PTPN9: variants seen among roughly 807,000 people sequenced by gnomAD.
The protein encoded by PTPN9 is tyrosine-protein phosphatase non-receptor type 9.
PTPN9 carries 26 observed loss-of-function variants against 69.8 expected under a neutral mutation model. That is an observed-to-expected ratio of 0.37 (90% CI 0.27 to 0.52). The LOEUF (loss-of-function observed/expected upper bound fraction) is 0.52, where lower values mean the gene tolerates loss of function less well. Among genes scored for constraint, PTPN9 ranks in the 20% least tolerant of loss-of-function variants. PTPN9 has a pLI of 0.91. For missense variants in PTPN9, 549 were observed against 740.3 expected (o/e 0.74, Z 3.00); for synonymous variants, 274 against 272.5 (o/e 1.01, Z -0.05).
chr15:75,481,831 G>C (rs184508788), intron 8 of PTPN9, among the ~76,000 whole-genome samples: 6 of 120,994 alleles, frequency 5.0e-5, no homozygotes, highest in South Asian at 3.1e-4. Flanking sequence ...GGAGGGAGGT[G>C]GGGGGGGGTC....
In PTPN9 at chr15:75,524,233, G is replaced by A. The variant is rs147821578; in HGVS notation, c.273C>T (p.Ile91=). Reference sequence around the variant, plus strand: ...CTAAGATGGTGAATTTTCCACTGAGGATCTCAGAACGAAGAGGTTCCTCAT... The same window carrying A: ...CTAAGATGGTGAATTTTCCACTGAGAATCTCAGAACGAAGAGGTTCCTCAT... ...KPHEEPLRSE[I]LSGKFTILNV... Residue 91 remains isoleucine (I), a synonymous_variant, in exon 3 of 13, where the codon ATC becomes ATT. Transcript: ENST00000618819. 3 of 1,610,720 alleles carry A rather than the reference G, an allele frequency of 1.9e-6. No individual in the cohort carries two copies. Among genetic ancestry groups the A allele is most frequent in the Admixed American group, 3.3e-5 (2 of 59,956 alleles).
chr15:75,479,473 T>A (rs2074615773), intron 9 of PTPN9, among the ~76,000 whole-genome samples: 2 of 152,114 alleles, frequency 1.3e-5, no homozygotes, highest in Admixed American at 1.3e-4. Flanking sequence ...TTGGACTCAA[T>A]CTCTGGGAAG....
In PTPN9 at chr15:75,548,473, C is replaced by G. The variant is rs181226269; in HGVS notation, c.64-21212G>C. On this transcript the variant is annotated intron_variant, in intron 1 of 12. Transcript: ENST00000618819. ...GTTTTGCCATGTTGGCCAGGTTGGT[C>G]TTGAACTCCTGATTTCGTGATCTGC... Among the ~76,000 whole-genome samples the G allele has an allele frequency of 2.3e-3, 353 of 151,718 alleles. 3 individuals carry two copies. The highest frequency in any genetic ancestry group is 3.4e-3 in the Middle Eastern group (1 of 294).
At chr15:75,525,634 T>C (rs1268712865) in intron 2 of PTPN9, among the ~76,000 whole-genome samples, 1 of 150,318 alleles carries the variant, frequency 6.7e-6, no homozygotes, top group Non-Finnish European at 1.5e-5. Context: ...TTAAACCTCT[T>C]AGGCTGGGCA....
chr15:75,557,223 G>T (rs553271924), intron 1 of PTPN9, among the ~76,000 whole-genome samples: 1 of 152,016 alleles, frequency 6.6e-6, no homozygotes, highest in East Asian at 1.9e-4. Context: ...TCAGGAGTTC[G>T]AGACCAGCCT....
chr15:75,548,032 C>T (rs559918285), intron 1 of PTPN9, among the ~76,000 whole-genome samples: 113 of 152,158 alleles, frequency 7.4e-4, no homozygotes, highest in African/African-American at 2.4e-3. Context: ...CAAATTCTCT[C>T]AATAGCCCTT....
At chr15:75,518,391 G>C (rs1446399990) in intron 4 of PTPN9, among the ~76,000 whole-genome samples, 2 of 150,738 alleles carry the variant, frequency 1.3e-5, no homozygotes, top group Non-Finnish European at 2.9e-5. Flanking sequence ...ACTTTGGGAG[G>C]CCAAGGCAGC....
intron 7 of PTPN9, among the ~76,000 whole-genome samples, chr15:75,493,092 C>G (rs1275886518): frequency 1.3e-5 from 2 of 152,036 alleles, no homozygotes; most frequent in African/African-American, 4.8e-5. Context: ...GAGACAGAAG[C>G]TGCAGTGAGC....
chr15:75,491,058 A>G (rs184895489), intron 7 of PTPN9, among the ~76,000 whole-genome samples: 1 of 152,216 alleles, frequency 6.6e-6, no homozygotes, highest in Admixed American at 6.5e-5. Context: ...GCAGTGCGCT[A>G]TGACAGCGCC....
chr15:75,525,924 C>CAA (rs1041347599), intron 2 of PTPN9, among the ~76,000 whole-genome samples: 1 of 144,458 alleles, frequency 6.9e-6, no homozygotes, highest in Non-Finnish European at 1.5e-5. Flanking sequence ...GACTCTGTCT[C>CAA]AAAAAAAAAA....
intron 4 of PTPN9, among the ~76,000 whole-genome samples, chr15:75,522,070 T>C (rs2074907741): frequency 6.6e-6 from 1 of 152,024 alleles, no homozygotes; most frequent in Non-Finnish European, 1.5e-5. Context: ...AAACTGTAAA[T>C]TACAAGCACC....
At chr15:75,563,225 G>A (rs1426110345) in intron 1 of PTPN9, among the ~76,000 whole-genome samples, 2 of 152,078 alleles carry the variant, frequency 1.3e-5, no homozygotes, top group African/African-American at 4.8e-5. Flanking sequence ...GTCTCACTCT[G>A]CTGCCCAGTC....
Position 75,505,400 on chromosome 15 carries a change from T to G in PTPN9, c.968+275A>C, listed in dbSNP as rs1264283687. 2.7e-5 allele frequency among the ~76,000 whole-genome samples: 4 copies of G among 147,592 alleles called. No individual in the cohort carries two copies. In the Admixed American group the frequency reaches 2.7e-4, roughly 10 times the overall value. On this transcript the variant is annotated intron_variant, in intron 7 of 12. Transcript: ENST00000618819. ...TATCTGCCAACCTTCCCTCCACTAT[T>G]GTCCTATGACCCTGCCAAATCCCCC...
Position 75,570,802 on chromosome 15 carries a change from AC to A in PTPN9, c.63+7911del, listed in dbSNP as rs554197302. 3.4e-3 allele frequency among the ~76,000 whole-genome samples: 512 copies of A among 152,148 alleles called. 6 individuals are homozygous for A. The highest frequency in any genetic ancestry group is 4.2e-3 in the Non-Finnish European group (288 of 67,986). On this transcript the variant is annotated intron_variant, in intron 1 of 12. Transcript: ENST00000618819. Reference sequence around the variant, plus strand: ...AAAAAAAAAGCAAAAACCACACCATACAATTAGAATAGGCTTTTAAAAACTA... The same window carrying A: ...AAAAAAAAAGCAAAAACCACACCATAAATTAGAATAGGCTTTTAAAAACTA...
chr15:75,474,122 A>G (rs533876055), intron 9 of PTPN9, among the ~76,000 whole-genome samples: 1 of 152,328 alleles, frequency 6.6e-6, no homozygotes, highest in South Asian at 2.1e-4. Context: ...CATCTCACCT[A>G]AGCTTCAGTT....
chr15:75,522,055 G>GT (rs1166409889), intron 4 of PTPN9, among the ~76,000 whole-genome samples: 6 of 152,148 alleles, frequency 3.9e-5, no homozygotes, highest in Non-Finnish European at 7.3e-5. Flanking sequence ...GTCGAGAGCA[G>GT]TAAGAAACTG....
chr15:75,476,672 G>A (rs1350628883), intron 9 of PTPN9, among the ~76,000 whole-genome samples: 1 of 152,198 alleles, frequency 6.6e-6, no homozygotes, highest in African/African-American at 2.4e-5. Context: ...GGTCTAGGAG[G>A]AGATGCTGTA....
chr15:75,578,612 T>C, intron 1 of PTPN9, 102 bp downstream of exon 1: 1 of 972,182 alleles, frequency 1.0e-6, no homozygotes, highest in South Asian at 3.6e-5. Flanking sequence ...AGCGGGGGGC[T>C]GCGGCCCCGT....
At chr15:75,481,259 G>T (rs1372561168) in intron 8 of PTPN9, among the ~76,000 whole-genome samples, 1 of 93,852 alleles carries the variant, frequency 1.1e-5, no homozygotes, top group African/African-American at 4.1e-5. Flanking sequence ...GAGAAGTGAG[G>T]AGCCTCTCCG....
Sources: allele counts gnomAD v4.1 joint callset (sites outside exome capture counted in the v4.1 genomes callset), GRCh38; gene constraint gnomAD v4.1.1; transcripts MANE v1.5; gene names NCBI Gene and HGNC (gene_info 2026-07-23, HGNC 2026-07-21).